The following SGCZ variants were observed in gnomAD, a reference collection of about 807,000 sequenced individuals.
The protein encoded by SGCZ is sarcoglycan zeta, also known as zeta-sarcoglycan.
A neutral mutation model predicts 41.3 loss-of-function variants in SGCZ; 40 were observed. The ratio of observed to expected loss-of-function variants is 0.97; its 90% CI spans 0.75 to 1.26. SGCZ has a LOEUF of 1.26. Among genes scored for constraint, SGCZ ranks in the 50% most tolerant of loss-of-function variants. The pLI, the probability that SGCZ is intolerant of heterozygous loss-of-function variation, is 0.00. For missense variants in SGCZ, 552 were observed against 369.8 expected (o/e 1.49, Z -4.04); for synonymous variants, 206 against 137.5 (o/e 1.50, Z -3.49).
At chr8:14,538,735 A>T (rs1363754006) in intron 2 of SGCZ, among the ~76,000 whole-genome samples, 1 of 151,902 alleles carries the variant, frequency 6.6e-6, no homozygotes, top group Non-Finnish European at 1.5e-5. Context: ...GAGGCAGAAG[A>T]GTTAGGCATG....
intron 2 of SGCZ, among the ~76,000 whole-genome samples, chr8:14,346,722 A>C (rs1232145537): frequency 6.6e-6 from 1 of 152,080 alleles, no homozygotes; most frequent in Admixed American, 6.5e-5. Context: ...ATATAAAATC[A>C]GATACAGACC....
At chr8:14,481,460 G>A (rs1031870949) in intron 2 of SGCZ, among the ~76,000 whole-genome samples, 2 of 152,112 alleles carry the variant, frequency 1.3e-5, no homozygotes, top group Admixed American at 6.6e-5. Flanking sequence ...TGCTTTTTGT[G>A]ACAGTAATAG....
chr8:14,888,652 A>C (rs1475241737), intron 1 of SGCZ, among the ~76,000 whole-genome samples: 2 of 152,166 alleles, frequency 1.3e-5, no homozygotes, highest in Non-Finnish European at 2.9e-5. Context: ...CAGATAAGTA[A>C]TTCTTTAGTA....
At chr8:14,993,372 G>A (rs1258374585) in intron 1 of SGCZ, among the ~76,000 whole-genome samples, 2 of 151,944 alleles carry the variant, frequency 1.3e-5, no homozygotes. Flanking sequence ...CTAGGAATGG[G>A]GCTTGAGCAG....
intron 1 of SGCZ, among the ~76,000 whole-genome samples, chr8:15,080,220 A>G (rs2131043076): frequency 6.6e-6 from 1 of 152,218 alleles, no homozygotes; most frequent in South Asian, 2.1e-4. Context: ...AAGATTTCCA[A>G]TAGAATTTTT....
intron 5 of SGCZ, among the ~76,000 whole-genome samples, chr8:14,116,768 A>G (rs1423886798): frequency 1.3e-5 from 2 of 152,106 alleles, no homozygotes; most frequent in Admixed American, 6.6e-5. Flanking sequence ...TTTTTTAACC[A>G]TAAGAGGACT....
chr8:14,871,221 A>C (rs919215202), intron 1 of SGCZ, among the ~76,000 whole-genome samples: 16 of 152,142 alleles, frequency 1.1e-4, no homozygotes, highest in Admixed American at 5.9e-4. Flanking sequence ...AACAAAAAAA[A>C]AAGTCAGGAA....
intron 2 of SGCZ, among the ~76,000 whole-genome samples, chr8:14,477,158 G>C (rs73525371): frequency 0.017 from 2,601 of 152,042 alleles, 89 homozygotes; most frequent in African/African-American, 0.06. Context: ...TACAGTAATA[G>C]ATTATAAACA....
intron 5 of SGCZ, among the ~76,000 whole-genome samples, chr8:14,110,105 C>T (rs562519636): frequency 4.4e-4 from 67 of 152,116 alleles, no homozygotes; most frequent in African/African-American, 1.6e-3. Context: ...GAACATTCCT[C>T]AAGGTGGGTC....
chr8:15,231,714 C>T lies in SGCZ; in HGVS notation c.39+5871G>A, dbSNP rs553433488. Among the ~76,000 whole-genome samples, 7 of 150,704 alleles carry T rather than the reference C, an allele frequency of 4.6e-5. No individual in the cohort carries two copies. In the South Asian group the frequency reaches 1.5e-3, roughly 32 times the overall value. Reference sequence around the variant, plus strand: ...TCAGCTCACTGCAACCTCCGCCTCCCACCTTCAAGCAATTCTCTCGCCTCA... The same window carrying T: ...TCAGCTCACTGCAACCTCCGCCTCCTACCTTCAAGCAATTCTCTCGCCTCA... On this transcript the variant is annotated intron_variant, in intron 1 of 7. Coordinates refer to ENST00000382080, the MANE Select transcript of SGCZ (RefSeq NM_139167.4).
chr8:14,142,324 T>TA (rs957800760), intron 5 of SGCZ, among the ~76,000 whole-genome samples: 17 of 151,566 alleles, frequency 1.1e-4, no homozygotes, highest in African/African-American at 2.2e-4. Context: ...AATAAAAATT[T>TA]AAAAAAAAAG....
At chr8:14,430,233 A>G (rs998737376) in intron 2 of SGCZ, among the ~76,000 whole-genome samples, 20 of 152,146 alleles carry the variant, frequency 1.3e-4, no homozygotes, top group Non-Finnish European at 2.5e-4. Context: ...CCAGGAAAGG[A>G]CATAAACAAA....
intron 2 of SGCZ, among the ~76,000 whole-genome samples, chr8:14,520,684 G>C (rs1428241776): frequency 1.3e-5 from 2 of 152,042 alleles, no homozygotes; most frequent in Admixed American, 6.6e-5. Context: ...TTAAAAAATA[G>C]AACTCAGAGT....
At chr8:14,755,290 A>G (rs1451750013) in intron 1 of SGCZ, among the ~76,000 whole-genome samples, 1 of 152,044 alleles carries the variant, frequency 6.6e-6, no homozygotes, top group Non-Finnish European at 1.5e-5. Flanking sequence ...GTTGATCTCT[A>G]CTGAGTATTG....
chr8:14,226,173 T>C (rs145022415), intron 4 of SGCZ, among the ~76,000 whole-genome samples: 282 of 152,170 alleles, frequency 1.9e-3, no homozygotes, highest in Middle Eastern at 6.8e-3. Context: ...AAGAAAATAT[T>C]AGTATTCAGA....
At chr8:15,031,650 C>T (rs915234597) in intron 1 of SGCZ, among the ~76,000 whole-genome samples, 2 of 152,228 alleles carry the variant, frequency 1.3e-5, no homozygotes, top group African/African-American at 4.8e-5. Flanking sequence ...CCAGGGGAAG[C>T]GCTCTTGCCA....
chr8:14,983,817 T>C (rs186911148), intron 1 of SGCZ, among the ~76,000 whole-genome samples: 2 of 152,322 alleles, frequency 1.3e-5, no homozygotes, highest in Admixed American at 1.3e-4. Context: ...CTCCATATTT[T>C]ACTATATCAT....
chr8:14,736,266 C>A (rs1799026259), intron 1 of SGCZ, among the ~76,000 whole-genome samples: 1 of 152,088 alleles, frequency 6.6e-6, no homozygotes, highest in South Asian at 2.1e-4. Context: ...CAACACAGCA[C>A]CAGTTTGTGT....
At chr8:14,316,916 CAAAATT>C (rs919903957) in intron 3 of SGCZ, among the ~76,000 whole-genome samples, 7 of 151,316 alleles carry the variant, frequency 4.6e-5, no homozygotes, top group African/African-American at 1.7e-4. Context: ...ATCTAACAGA[CAAAATT>C]AATAGTTCCA....
Sources: gnomAD v4.1 joint callset for allele counts (sites outside exome capture counted in the v4.1 genomes callset) on GRCh38, gnomAD v4.1.1 for gene constraint, MANE v1.5 for transcripts, NCBI Gene and HGNC (gene_info 2026-07-23, HGNC 2026-07-21) for gene names.